The following CCDC112 variants were observed in gnomAD, a reference collection of about 807,000 sequenced individuals.
The protein encoded by CCDC112 is coiled-coil domain containing 112, also known as coiled-coil domain-containing protein 112.
CCDC112 carries 40 observed loss-of-function variants against 66.3 expected under a neutral mutation model. The ratio of observed to expected loss-of-function variants is 0.60; its 90% confidence interval spans 0.47 to 0.79. CCDC112 has a LOEUF of 0.79. Ranked by LOEUF, CCDC112 falls within the 30% of genes least tolerant of loss-of-function variation. The pLI is 0.00. For missense variants in CCDC112, 659 were observed against 603.8 expected, an observed-to-expected ratio of 1.09 and a Z score of -0.96; for synonymous variants, 214 against 197.2, an observed-to-expected ratio of 1.09 and a Z score of -0.71.
At chr5:115,283,608 A>G (rs898476417) in intron 2 of CCDC112, among the ~76,000 whole-genome samples, 1 of 152,150 alleles carries the variant, frequency 6.6e-6, no homozygotes, top group Admixed American at 6.6e-5. Context: ...TTTATTTGTC[A>G]GTTATACCTC....
rs143176158 is a variant in CCDC112 at position 115,296,247 on chromosome 5, G to T, written c.117+180C>A. On this transcript the variant is annotated intron_variant, in intron 1 of 9. Transcript: ENST00000379611. The stretch of plus-strand genomic sequence containing the variant: ...CTCGACTCCGAAACCACATGGAGGC[G>T]GCTCTGCAAAAGCTGTTAAACGCAC... 894 of 1,288,848 alleles carry T rather than the reference G, an allele frequency of 6.9e-4. 7 individuals are homozygous for T. The South Asian group carries it at 0.01, about 14-fold the overall frequency. 79.8% of individuals were successfully genotyped at this position (1,288,848 alleles called of 1,614,324 possible).
At chr5:115,275,928 G>T in intron 5 of CCDC112, 66 bp downstream of exon 5, 1 of 1,044,092 alleles carries the variant, frequency 9.6e-7, no homozygotes, top group African/African-American at 1.6e-5. Context: ...ATACAAAAAT[G>T]TACTGGGGCC....
intron 2 of CCDC112, among the ~76,000 whole-genome samples, chr5:115,280,124 A>G (rs1225701125): frequency 6.6e-6 from 1 of 152,186 alleles, no homozygotes; most frequent in African/African-American, 2.4e-5. Context: ...ACTGCTTTCA[A>G]TAGTAGATAC....
intron 2 of CCDC112, among the ~76,000 whole-genome samples, chr5:115,282,805 C>A (rs1749511717): frequency 6.6e-6 from 1 of 151,836 alleles, no homozygotes; most frequent in Non-Finnish European, 1.5e-5. Context: ...ATTCTTGAAC[C>A]ATGTAAATAT....
rs556493265 is a variant in CCDC112, at chr5:115,281,374, G to A, written c.240-1606C>T. ...ATAAGACACATGGGGGTAGACAGAT[G>A]AGACTGCCCCAGAGCCCACCACACT... On this transcript the variant is annotated intron_variant, in intron 2 of 9. Coordinates refer to ENST00000379611, the MANE Select transcript of CCDC112 (RefSeq NM_001040440.3). Among the ~76,000 whole-genome samples the A allele has an allele frequency of 6.6e-5, 10 of 152,318 alleles. No homozygotes were observed. In the East Asian group the frequency reaches 9.6e-4, roughly 15 times the overall value.
chr5:115,294,237 T>A (rs1410772660), intron 1 of CCDC112, among the ~76,000 whole-genome samples: 1 of 152,220 alleles, frequency 6.6e-6, no homozygotes, highest in Non-Finnish European at 1.5e-5. Context: ...ATGGACTGAA[T>A]TGTGTTCCCT....
At chr5:115,286,640 G>C (rs1240147424) in intron 1 of CCDC112, among the ~76,000 whole-genome samples, 3 of 152,082 alleles carry the variant, frequency 2.0e-5, no homozygotes, top group African/African-American at 7.2e-5. Context: ...AGTGGGGCCT[G>C]GTGGCTCATG....
intron 2 of CCDC112, among the ~76,000 whole-genome samples, chr5:115,283,730 T>A (rs957659117): frequency 7.2e-5 from 11 of 152,110 alleles, no homozygotes; most frequent in African/African-American, 2.7e-4. Context: ...ACTTTTTCAT[T>A]GGTAGAATTT....
intron 8 of CCDC112, chr5:115,269,472 C>T: frequency 2.1e-6 from 1 of 471,246 alleles, no homozygotes; most frequent in Non-Finnish European, 3.7e-6. Flanking sequence ...GTAGGGGGAA[C>T]AATAATTCAG....
intron 2 of CCDC112, among the ~76,000 whole-genome samples, chr5:115,280,006 T>C (rs1248185494): frequency 6.6e-6 from 1 of 152,204 alleles, no homozygotes. Flanking sequence ...CATAAAATGA[T>C]AATTTAAGAA....
chr5:115,279,702 C>G lies in CCDC112; in HGVS notation c.306G>C (p.Glu102Asp), dbSNP rs1278664229. ...FYNQKSDFRIEHSMLEELENK... is the reference protein window; with the variant it reads ...FYNQKSDFRIDHSMLEELENK... ...TTTCCAATTCTTCTAGCATACTATGCTCAATTCTGAAGTCACTTTTTTGGT... is the reference window on the plus strand; with the variant it reads ...TTTCCAATTCTTCTAGCATACTATGGTCAATTCTGAAGTCACTTTTTTGGT... The change falls in exon 3 of 10, where the codon GAG (glutamate) becomes GAC (aspartate). Residue 102 changes from glutamate (E) to aspartate (D), a missense_variant. Transcript: ENST00000379611. 8 of 1,607,654 alleles carry G rather than the reference C, an allele frequency of 5.0e-6. No individual in the cohort carries two copies. The highest frequency in any genetic ancestry group is 6.8e-6 in the Non-Finnish European group (8 of 1,175,132).
chr5:115,276,481 A>AT (rs1205577316), intron 4 of CCDC112, among the ~76,000 whole-genome samples: 3 of 152,230 alleles, frequency 2.0e-5, no homozygotes, highest in South Asian at 2.1e-4. Flanking sequence ...AATTTGTGGG[A>AT]TTTTTTTCCA....
chr5:115,269,153 T>G (rs548632556), intron 8 of CCDC112, among the ~76,000 whole-genome samples, 153 bp from the exon 9 acceptor site: 1 of 152,334 alleles, frequency 6.6e-6, no homozygotes, highest in South Asian at 2.1e-4. Context: ...TGGGCTCATA[T>G]AGCTAAAAGA....
intron 2 of CCDC112, 52 bp from the exon 3 acceptor site, chr5:115,279,820 AG>A: frequency 4.1e-6 from 4 of 984,762 alleles, no homozygotes; most frequent in Non-Finnish European, 6.0e-6. Context: ...TATTTTTAAT[AG>A]TTTAAAATAT....
intron 2 of CCDC112, among the ~76,000 whole-genome samples, chr5:115,284,375 C>T (rs542709737): frequency 1.2e-4 from 19 of 152,042 alleles, no homozygotes; most frequent in South Asian, 4.1e-4. Context: ...ATATGATGTT[C>T]GTCATTTATA....
intron 1 of CCDC112, among the ~76,000 whole-genome samples, 194 bp from the exon 2 acceptor site, chr5:115,285,102 G>A (rs2127068165): frequency 6.6e-6 from 1 of 152,274 alleles, no homozygotes. Flanking sequence ...ATCTTAAAAT[G>A]CTAAACTGAG....
chr5:115,281,904 T>G (rs1387885241), intron 2 of CCDC112, among the ~76,000 whole-genome samples: 5 of 152,242 alleles, frequency 3.3e-5, no homozygotes, highest in African/African-American at 9.6e-5. Flanking sequence ...TCTCATACAT[T>G]GTTGGTGGAA....
chr5:115,294,487 G>C (rs1174963290), intron 1 of CCDC112, among the ~76,000 whole-genome samples: 1 of 152,164 alleles, frequency 6.6e-6, no homozygotes, highest in Non-Finnish European at 1.5e-5. Flanking sequence ...CAACCCTAAG[G>C]GCAACTTGAT....
intron 1 of CCDC112, among the ~76,000 whole-genome samples, chr5:115,286,770 C>T (rs1749692332): frequency 6.6e-6 from 1 of 151,852 alleles, no homozygotes; most frequent in Non-Finnish European, 1.5e-5. Context: ...AAAAAATTAG[C>T]CAGGCATGGT....
Sources: allele counts gnomAD v4.1 joint callset (sites outside exome capture counted in the v4.1 genomes callset), GRCh38; gene constraint gnomAD v4.1.1; transcripts MANE v1.5; gene names NCBI Gene and HGNC (gene_info 2026-07-23, HGNC 2026-07-21).